Variants in ABL2 observed in about 807,000 individuals in gnomAD.
The protein encoded by ABL2 is tyrosine-protein kinase ABL2.
In ABL2, 49 loss-of-function variants were observed where a neutral mutation model predicts 107.7. That is an observed-to-expected ratio of 0.45 (90% CI 0.36 to 0.58). The LOEUF (loss-of-function observed/expected upper bound fraction) is 0.58. Among genes scored for constraint, ABL2 ranks in the 20% least tolerant of loss-of-function variants. ABL2 has a pLI of 0.00. For synonymous variants in ABL2, 549 were observed against 548.6 expected, an observed-to-expected ratio of 1.00 and a Z score of -0.01; for missense variants, 1,245 against 1,457.0, an observed-to-expected ratio of 0.85 and a Z score of 2.37.
At chr1:179,167,675 T>C (rs1217919357) in intron 1 of ABL2, among the ~76,000 whole-genome samples, 2 of 152,190 alleles carry the variant, frequency 1.3e-5, no homozygotes, top group Admixed American at 6.5e-5. Context: ...AATAATCACA[T>C]ATACCCAATA....
chr1:179,208,441 T>C (rs917766284), intron 1 of ABL2, among the ~76,000 whole-genome samples: 3 of 152,240 alleles, frequency 2.0e-5, no homozygotes, highest in Non-Finnish European at 4.4e-5. Context: ...CTTAGGATAA[T>C]GGCCTTCAGC....
chr1:179,148,728 C>T (rs1384199621), intron 1 of ABL2, among the ~76,000 whole-genome samples: 2 of 151,830 alleles, frequency 1.3e-5, no homozygotes, highest in Non-Finnish European at 1.5e-5. Context: ...GGTGAAACCC[C>T]GTTTCTACTA....
At chr1:179,124,885 G>C (rs1219685293) in intron 4 of ABL2, among the ~76,000 whole-genome samples, 1 of 152,126 alleles carries the variant, frequency 6.6e-6, no homozygotes, top group Non-Finnish European at 1.5e-5. Flanking sequence ...ATCATTTTAA[G>C]GTATACCATT....
At chr1:179,212,189 A>G (rs898638917) in intron 1 of ABL2, among the ~76,000 whole-genome samples, 1 of 152,196 alleles carries the variant, frequency 6.6e-6, no homozygotes, top group African/African-American at 2.4e-5. Context: ...CATGGGAGAA[A>G]CTGCCTCCAT....
chr1:179,111,500 A>C (rs1654078585), intron 10 of ABL2, among the ~76,000 whole-genome samples: 1 of 151,142 alleles, frequency 6.6e-6, no homozygotes, highest in East Asian at 2.0e-4. Context: ...TGGCCACGCT[A>C]GTCTCCAACT....
chr1:179,149,197 T>C (rs757583381), intron 1 of ABL2, among the ~76,000 whole-genome samples: 11 of 152,136 alleles, frequency 7.2e-5, no homozygotes, highest in South Asian at 2.1e-4. Flanking sequence ...TGGAGAAAAT[T>C]TGAGTGGTCT....
At chr1:179,217,187 A>G (rs1235226024) in intron 1 of ABL2, among the ~76,000 whole-genome samples, 1 of 151,742 alleles carries the variant, frequency 6.6e-6, no homozygotes, top group African/African-American at 2.4e-5. Flanking sequence ...CCAGCTACAC[A>G]GGAGGCTGAA....
At chr1:179,168,011 A>G (rs1387436529) in intron 1 of ABL2, among the ~76,000 whole-genome samples, 2 of 152,236 alleles carry the variant, frequency 1.3e-5, no homozygotes, top group Admixed American at 6.5e-5. Flanking sequence ...CAACAAATTA[A>G]AAGAGAAATA....
rs115313718 is a variant in ABL2 at position 179,219,202 on chromosome 1, C to T, written c.157+10039G>A. ...GGACTACATGTGTGCACTAGCACGCCTGGCTAGGTTTTCTATTTTTTGTAG... is the reference window on the plus strand; with the variant it reads ...GGACTACATGTGTGCACTAGCACGCTTGGCTAGGTTTTCTATTTTTTGTAG... On this transcript the variant is annotated intron_variant, in intron 1 of 11. Coordinates refer to ENST00000502732, the MANE Select transcript of ABL2 (RefSeq NM_007314.4). Among the ~76,000 whole-genome samples the T allele has an allele frequency of 3.5e-3, 527 of 152,302 alleles. 1 individual carries two copies. Among genetic ancestry groups the T allele is most frequent in the African/African-American group, 0.012 (499 of 41,570 alleles).
At chr1:179,138,637 C>G (rs1657268287) in intron 1 of ABL2, among the ~76,000 whole-genome samples, 1 of 152,160 alleles carries the variant, frequency 6.6e-6, no homozygotes, top group Non-Finnish European at 1.5e-5. Context: ...GGCCAAAAAC[C>G]ATGGAATCCT....
chr1:179,126,383 A>G lies in ABL2; in HGVS notation c.681T>C (p.Asp227=). The change falls in exon 4 of 12, where the codon GAT becomes GAC. Residue 227 remains aspartate, a synonymous_variant. Transcript: ENST00000502732. The surrounding 1 kb of genome is among the most constrained non-coding windows in gnomAD (Gnocchi z 4.4). ...VYHYRINTTA[D]GKVYVTAESR... is the part of the protein sequence containing the mutation. Reference sequence around the variant, plus strand: ...GGTGACCAGGGAGTCTTACCTTGCCATCTGCAGTGGTATTGATCCTGTAGT... The same window carrying G: ...GGTGACCAGGGAGTCTTACCTTGCCGTCTGCAGTGGTATTGATCCTGTAGT... The G allele has an allele frequency of 1.9e-6, 3 of 1,611,624 alleles. No homozygotes were observed. The highest frequency in any genetic ancestry group is 2.5e-6 in the Non-Finnish European group (3 of 1,177,900).
rs547710064 is a variant in ABL2 at position 179,112,044 on chromosome 1, C to CA, written c.1651+264dup. On this transcript the variant is annotated intron_variant, in intron 10 of 11. Transcript: ENST00000502732. ...TGGGTGATAGAGTGAGACTCCATCT[C>CA]AAAAAAAAAAAAGTATATATATGAA... 9.8e-4 allele frequency among the ~76,000 whole-genome samples: 130 copies of CA among 132,792 alleles called. 1 individual carries two copies. The South Asian group carries it at 0.017, about 17-fold the overall frequency. The allele number at this position is 132,792 out of a possible 152,430, so 87.1% of individuals were successfully genotyped here.
chr1:179,106,161 G>A lies in ABL2; in HGVS notation c.*1557C>T, dbSNP rs1053925077. 1.8e-5 allele frequency: 4 copies of A among 221,560 alleles called. No individual in the cohort carries two copies. Among genetic ancestry groups the A allele is most frequent in the Non-Finnish European group, 3.6e-5 (4 of 110,754 alleles). 13.7% of individuals were successfully genotyped at this position (221,560 alleles called of 1,614,324 possible). On this transcript the variant is annotated 3_prime_UTR_variant, in exon 12 of 12. Coordinates refer to ENST00000502732, the MANE Select transcript of ABL2 (RefSeq NM_007314.4). Reference sequence around the variant, plus strand: ...GCTCTCCTTGGGGAGGATGGGGGAAGTATTCATAAAGCTTTAAAAAGAGAA... The same window carrying A: ...GCTCTCCTTGGGGAGGATGGGGGAAATATTCATAAAGCTTTAAAAAGAGAA...
intron 5 of ABL2, among the ~76,000 whole-genome samples, chr1:179,120,805 G>A (rs542551474): frequency 2.6e-5 from 4 of 152,272 alleles, no homozygotes; most frequent in East Asian, 3.9e-4. Flanking sequence ...TTCAGCAATC[G>A]TGTCCTATAA....
At chr1:179,225,246 T>G (rs996574289) in intron 1 of ABL2, among the ~76,000 whole-genome samples, 1 of 152,242 alleles carries the variant, frequency 6.6e-6, no homozygotes, top group East Asian at 1.9e-4. Context: ...AGAAAAGTCC[T>G]GGACTCTGAT....
Position 179,107,776 on chromosome 1 carries a change from G to C in ABL2, c.3491C>G (p.Pro1164Arg). Residue 1164 changes from proline to arginine, a missense_variant, in exon 12 of 12, where the codon CCT becomes CGT. Physicochemically the swap from Pro to Arg is moderately radical, Grantham distance 103 (BLOSUM62 -2). Around this residue, in one of 3 missense-constraint regions of ABL2, gnomAD observed 761 missense variants for 766.4 expected, o/e 0.99. Transcript: ENST00000502732. The stretch of plus-strand genomic sequence containing the variant: ...ACATGACAATAAGTTATTAAGGACA[G>C]GGTTTGTCCCGGGCACACCAGCAGC... ...SAAAGVPGTN[P>R]VLNNLLSCVQ... The C allele has an allele frequency of 6.2e-7, 1 of 1,614,214 alleles. No homozygotes were observed.
rs1436100557 is a variant in ABL2 at position 179,227,990 on chromosome 1, C to T, written c.157+1251G>A. Reference sequence around the variant, plus strand: ...GCTTGAACCTGGGAGGCAGAGGTTGCAGTGAGCCAAGATCACGCCACTGCA... The same window carrying T: ...GCTTGAACCTGGGAGGCAGAGGTTGTAGTGAGCCAAGATCACGCCACTGCA... On this transcript the variant is annotated intron_variant, in intron 1 of 11. Transcript: ENST00000502732. Among the ~76,000 whole-genome samples the T allele has an allele frequency of 2.9e-5, 4 of 138,958 alleles. No individual in the cohort carries two copies. In the Admixed American group the frequency reaches 3.2e-4, roughly 11 times the overall value. The allele number at this position is 138,958 out of a possible 152,430, so 91.2% of individuals were successfully genotyped here.
At chr1:179,206,997 C>A (rs761306602) in intron 1 of ABL2, among the ~76,000 whole-genome samples, 2 of 152,096 alleles carry the variant, frequency 1.3e-5, no homozygotes, top group African/African-American at 4.8e-5. Context: ...AAGAGAGAGA[C>A]AGAATATGCA....
intron 1 of ABL2, among the ~76,000 whole-genome samples, chr1:179,203,667 C>T (rs1557996656): frequency 6.6e-6 from 1 of 152,142 alleles, no homozygotes; most frequent in Non-Finnish European, 1.5e-5. Context: ...AGTTAGGTCT[C>T]AGGTCTCATG....
Sources: allele counts gnomAD v4.1 joint callset (sites outside exome capture counted in the v4.1 genomes callset), GRCh38; gene constraint gnomAD v4.1.1; regional missense constraint gnomAD v4.1.1; non-coding constraint Gnocchi (gnomAD v3.1); transcripts MANE v1.5; gene names NCBI Gene and HGNC (gene_info 2026-07-23, HGNC 2026-07-21).